ANO4: variants seen among roughly 807,000 people sequenced by gnomAD.
The protein encoded by ANO4 is anoctamin 4.
Under a neutral mutation model 141.9 loss-of-function variants are expected in ANO4, and 69 were observed. That is an observed-to-expected ratio of 0.49 (90% CI 0.40 to 0.59). The LOEUF is 0.59. Ranked by LOEUF, ANO4 falls within the 20% of genes least tolerant of loss-of-function variation. The pLI is 0.00. For missense variants in ANO4, 894 were observed against 1,162.2 expected (o/e 0.77, Z 3.36); for synonymous variants, 350 against 394.3 (o/e 0.89, Z 1.33).
At chr12:100,887,964 G>C (rs558667002) in intron 1 of ANO4, among the ~76,000 whole-genome samples, 1 of 152,082 alleles carries the variant, frequency 6.6e-6, no homozygotes, top group Non-Finnish European at 1.5e-5. Context: ...TGAGGTGACC[G>C]GAAATAAATA....
chr12:101,126,842 A>G (rs773427634), intron 26 of ANO4, 37 bp from the exon 27 acceptor site: 26 of 1,579,080 alleles, frequency 1.6e-5, no homozygotes, highest in Non-Finnish European at 2.2e-5. Context: ...CAGGATGCAC[A>G]GTAGACCTGA....
chr12:100,974,800 G>A, intron 6 of ANO4, 45 bp from the exon 7 acceptor site: 3 of 1,603,752 alleles, frequency 1.9e-6, no homozygotes, highest in East Asian at 4.5e-5. Flanking sequence ...TGTAACTGAC[G>A]ATGGGTTTTC....
chr12:100,848,667 T>G (rs183753208), intron 1 of ANO4, among the ~76,000 whole-genome samples: 1 of 152,298 alleles, frequency 6.6e-6, no homozygotes, highest in East Asian at 1.9e-4. Context: ...CAGCTTCTTT[T>G]CTGCACGCGA....
At chr12:101,023,340 A>T (rs540843342) in intron 9 of ANO4, among the ~76,000 whole-genome samples, 74 of 152,214 alleles carry the variant, frequency 4.9e-4, no homozygotes, top group Non-Finnish European at 9.6e-4. Context: ...ATTTGATGAA[A>T]TAAGGAGTTT....
chr12:100,747,395 C>T (rs1239243146), intron 3 of ANO4, among the ~76,000 whole-genome samples: 2 of 152,184 alleles, frequency 1.3e-5, no homozygotes, highest in Non-Finnish European at 2.9e-5. Context: ...TGCTTCCCTA[C>T]ACCCCACCTC....
intron 2 of ANO4, among the ~76,000 whole-genome samples, chr12:100,912,504 A>AATTGT (rs2041155812): frequency 6.6e-6 from 1 of 151,358 alleles, no homozygotes; most frequent in Non-Finnish European, 1.5e-5. Context: ...ACTGCACTCC[A>AATTGT]GCCTGGGTGA....
intron 10 of ANO4, among the ~76,000 whole-genome samples, chr12:101,039,318 A>G (rs2047324549): frequency 6.6e-6 from 1 of 152,192 alleles, no homozygotes; most frequent in Non-Finnish European, 1.5e-5. Context: ...TAGCCTGGGC[A>G]ATATGGCAAA....
At chr12:101,117,432 C>G (rs914367346) in intron 25 of ANO4, among the ~76,000 whole-genome samples, 1 of 152,200 alleles carries the variant, frequency 6.6e-6, no homozygotes, top group Admixed American at 6.5e-5. Flanking sequence ...GTCACATCAG[C>G]CTTCTAAGTT....
At chr12:100,837,641 C>T (rs2037000560) in intron 1 of ANO4, among the ~76,000 whole-genome samples, 2 of 151,200 alleles carry the variant, frequency 1.3e-5, no homozygotes, top group African/African-American at 4.9e-5. Context: ...AGTGCTCTCT[C>T]CCTGGGAGTT....
At chr12:100,790,963 G>A (rs112906015), upstream of ANO4, among the ~76,000 whole-genome samples, 2,302 of 152,272 alleles carry the variant, frequency 0.015, 61 homozygotes, top group African/African-American at 0.052. Context: ...AGGATAATTA[G>A]GATTTTAGAA....
At chr12:100,748,574 T>C (rs1358527625) in intron 3 of ANO4, among the ~76,000 whole-genome samples, 1 of 152,206 alleles carries the variant, frequency 6.6e-6, no homozygotes, top group African/African-American at 2.4e-5. Context: ...TTAAAGTGGG[T>C]TTCTTCTAGA....
intron 3 of ANO4, among the ~76,000 whole-genome samples, chr12:100,788,867 A>G (rs541753815): frequency 4.8e-5 from 7 of 146,084 alleles, no homozygotes; most frequent in Non-Finnish European, 7.5e-5. Context: ...ATGTAATGAG[A>G]AAAAAAAAAA....
intron 1 of ANO4, chr12:100,885,520 C>CTG (rs1401963295): frequency 6.6e-6 from 1 of 152,220 alleles, no homozygotes; most frequent in Non-Finnish European, 1.5e-5. Flanking sequence ...CAAAGCTAGG[C>CTG]TGTGCCTCAT....
chr12:100,830,280 A>G, intron 1 of ANO4, among the ~76,000 whole-genome samples: 1 of 152,044 alleles, frequency 6.6e-6, no homozygotes, highest in East Asian at 1.9e-4. Flanking sequence ...ATGCTGTAGG[A>G]AAGCCATCTT....
intron 1 of ANO4, chr12:100,717,566 G>A (rs2030657923): frequency 2.5e-6 from 1 of 400,004 alleles, no homozygotes; most frequent in East Asian, 3.6e-5. Flanking sequence ...GGCCGTCGCG[G>A]GTTCCTGGGG....
intron 9 of ANO4, among the ~76,000 whole-genome samples, chr12:101,027,810 C>T (rs1593056613): frequency 6.6e-6 from 1 of 152,306 alleles, no homozygotes; most frequent in East Asian, 1.9e-4. Context: ...ACTCCCTCCA[C>T]CAAGAGACAG....
chr12:100,747,610 C>T (rs1368454511), intron 3 of ANO4, among the ~76,000 whole-genome samples: 4 of 152,070 alleles, frequency 2.6e-5, no homozygotes, highest in East Asian at 1.9e-4. Context: ...TGTGGTGGCT[C>T]ACGCCTGTAA....
chr12:100,881,140 G>C (rs925244926), intron 1 of ANO4, among the ~76,000 whole-genome samples: 7 of 151,342 alleles, frequency 4.6e-5, no homozygotes, highest in Non-Finnish European at 1.0e-4. Context: ...GTTTTGGGGT[G>C]GGGGGAGGCG....
chr12:100,733,369 T>C (rs1179165512), intron 1 of ANO4, among the ~76,000 whole-genome samples: 1 of 152,166 alleles, frequency 6.6e-6, no homozygotes, highest in Non-Finnish European at 1.5e-5. Context: ...AGTCAGATAG[T>C]ACTCACCTTT....
Sources: gnomAD v4.1 joint callset for allele counts (sites outside exome capture counted in the v4.1 genomes callset) on GRCh38, gnomAD v4.1.1 for gene constraint, MANE v1.5 for transcripts, NCBI Gene and HGNC (gene_info 2026-07-23, HGNC 2026-07-21) for gene names.